The following DUSP10 variants were observed in gnomAD, a reference collection of about 807,000 sequenced individuals.
DUSP10 encodes dual specificity protein phosphatase 10.
DUSP10 carries 14 observed loss-of-function variants against 30.8 expected under a neutral mutation model. The ratio of observed to expected loss-of-function variants is 0.46; its 90% CI spans 0.30 to 0.71. The LOEUF is 0.71. Ranked by LOEUF, DUSP10 falls within the 30% of genes least tolerant of loss-of-function variation. DUSP10 has a pLI of 0.08. For missense variants in DUSP10, 550 were observed against 619.4 expected (o/e 0.89, Z 1.19); for synonymous variants, 254 against 250.4 (o/e 1.01, Z -0.14).
rs1422915247 is a variant in DUSP10 at position 221,706,056 on chromosome 1, G to C, written c.1183+39C>G. The C allele has an allele frequency of 1.3e-6, 2 of 1,584,082 alleles. No homozygotes were observed. Among genetic ancestry groups the C allele is most frequent in the Non-Finnish European group, 1.7e-6 (2 of 1,162,940 alleles). On this transcript the variant is annotated intron_variant, in intron 3 of 3. Transcript: ENST00000366899. This position sits in a 1 kb window ranked among gnomAD's most constrained non-coding sequence, Gnocchi z 4.6. ...TCAAAGCAAGAGCTGGAGGGAAAAG[G>C]AAGGCAGCGGATGAAAATTCCCTAT...
At chr1:221,736,568 G>A (rs576561098) in intron 2 of DUSP10, among the ~76,000 whole-genome samples, 1 of 152,092 alleles carries the variant, frequency 6.6e-6, no homozygotes, top group Non-Finnish European at 1.5e-5. Flanking sequence ...ATGCCTTTGG[G>A]GAATGCCCAC....
chr1:221,737,912 G>T (rs563461455), intron 2 of DUSP10, among the ~76,000 whole-genome samples: 6 of 152,230 alleles, frequency 3.9e-5, no homozygotes, highest in Admixed American at 1.3e-4. Context: ...TAGGAGACTG[G>T]TTGGAGATGT....
At position 221,702,384 on chromosome 1, in the gene DUSP10, G is replaced by A; in HGVS notation, c.*28C>T. The A allele has an allele frequency of 3.1e-6, 5 of 1,608,600 alleles. No homozygotes were observed. Among genetic ancestry groups the A allele is most frequent in the South Asian group, 1.1e-5 (1 of 90,866 alleles). On this transcript the variant is annotated 3_prime_UTR_variant, in exon 4 of 4. Coordinates refer to ENST00000366899, the MANE Select transcript of DUSP10 (RefSeq NM_007207.6). The surrounding 1 kb of genome is among the most constrained non-coding windows in gnomAD (Gnocchi z 4.5). Reference sequence around the variant, plus strand: ...CTTCCTCATTGTCTCCTAATGGAGAGCAGCAATCCTTTCCATCCAGACCAT... The same window carrying A: ...CTTCCTCATTGTCTCCTAATGGAGAACAGCAATCCTTTCCATCCAGACCAT...
intron 2 of DUSP10, among the ~76,000 whole-genome samples, chr1:221,736,032 A>G (rs1661757309): frequency 6.6e-6 from 1 of 152,246 alleles, no homozygotes; most frequent in African/African-American, 2.4e-5. Flanking sequence ...AGATGAGACT[A>G]AAACATAGAT....
chr1:221,737,076 C>T, intron 2 of DUSP10: 2 of 985,420 alleles, frequency 2.0e-6, no homozygotes, highest in Non-Finnish European at 2.4e-6. Flanking sequence ...AAGTAGCACC[C>T]AGGAGATTCA....
intron 2 of DUSP10, among the ~76,000 whole-genome samples, chr1:221,721,901 G>T: frequency 6.6e-6 from 1 of 152,184 alleles, no homozygotes; most frequent in East Asian, 1.9e-4. Context: ...CTAAGATCTA[G>T]GTGGGCCCTC....
chr1:221,717,892 AT>A, intron 2 of DUSP10, among the ~76,000 whole-genome samples: 1 of 152,270 alleles, frequency 6.6e-6, no homozygotes. Flanking sequence ...AGTCTACGGC[AT>A]TTGGTTAAAG....
At chr1:221,731,668 G>A (rs1661600578) in intron 2 of DUSP10, among the ~76,000 whole-genome samples, 2 of 148,570 alleles carry the variant, frequency 1.3e-5, no homozygotes, top group African/African-American at 5.0e-5. Context: ...GAGTGCAGTG[G>A]CGGGATCTCG....
chr1:221,720,089 C>A (rs1220662065), intron 2 of DUSP10, among the ~76,000 whole-genome samples: 2 of 152,132 alleles, frequency 1.3e-5, no homozygotes, highest in Non-Finnish European at 2.9e-5. Flanking sequence ...CACTGTGATA[C>A]TGTGATATGA....
At chr1:221,709,323 C>T (rs1319312158) in intron 2 of DUSP10, among the ~76,000 whole-genome samples, 2 of 151,648 alleles carry the variant, frequency 1.3e-5, no homozygotes, top group Admixed American at 1.3e-4. Context: ...GAAAAAAACC[C>T]GTGGCGGAGT....
Position 221,702,326 on chromosome 1 carries a change from A to G in DUSP10, c.*86T>C, listed in dbSNP as rs1660628962. On this transcript the variant is annotated 3_prime_UTR_variant, in exon 4 of 4. Coordinates refer to ENST00000366899, the MANE Select transcript of DUSP10 (RefSeq NM_007207.6). The surrounding 1 kb of genome is among the most constrained non-coding windows in gnomAD (Gnocchi z 4.5). ...CAAACTTACTCCCAACTACAAAAAA[A>G]AAAAGAAAGAAAAAAAACCAGAATC... The G allele has an allele frequency of 1.1e-5, 17 of 1,496,232 alleles. No individual in the cohort carries two copies. The highest frequency in any genetic ancestry group is 1.4e-5 in the Non-Finnish European group (16 of 1,116,780). 92.7% of individuals were successfully genotyped at this position (1,496,232 alleles called of 1,614,324 possible).
intron 2 of DUSP10, among the ~76,000 whole-genome samples, chr1:221,730,297 T>C (rs1661546659): frequency 6.6e-6 from 1 of 152,200 alleles, no homozygotes; most frequent in Non-Finnish European, 1.5e-5. Flanking sequence ...ATAAGATCAG[T>C]CGAGTTCGCA....
intron 2 of DUSP10, among the ~76,000 whole-genome samples, chr1:221,729,015 G>C (rs1002908649): frequency 6.6e-6 from 1 of 152,180 alleles, no homozygotes; most frequent in African/African-American, 2.4e-5. Context: ...GAGTAACACT[G>C]GACAAGTGCC....
intron 2 of DUSP10, among the ~76,000 whole-genome samples, chr1:221,722,699 A>G (rs12130778): frequency 0.41 from 62,731 of 152,010 alleles, 14,844 homozygotes; most frequent in Middle Eastern, 0.56. Context: ...CCCAAGAGAT[A>G]CTCATAGGAG....
rs1462976015 is a variant in DUSP10, at chr1:221,737,196, C to A, written c.811+1738G>T. 1.6e-5 allele frequency: 16 copies of A among 985,310 alleles called. No individual in the cohort carries two copies. In the East Asian group the frequency reaches 1.8e-3, roughly 112 times the overall value. The allele number at this position is 985,310 out of a possible 1,614,324, so 61.0% of individuals were successfully genotyped here. On this transcript the variant is annotated intron_variant, in intron 2 of 3. Coordinates refer to ENST00000366899, the MANE Select transcript of DUSP10 (RefSeq NM_007207.6). ...TCCCCATGATTAGGAGGTCTAGGAT[C>A]ATCTTGATCCGTGTTGTTTCCTCTC...
At chr1:221,731,393 C>T (rs1661585626) in intron 2 of DUSP10, among the ~76,000 whole-genome samples, 1 of 151,530 alleles carries the variant, frequency 6.6e-6, no homozygotes, top group East Asian at 1.9e-4. Flanking sequence ...TTATTCCTAT[C>T]ATCAACATGT....
intron 3 of DUSP10, among the ~76,000 whole-genome samples, chr1:221,703,502 A>T (rs1397102291): frequency 6.6e-6 from 1 of 152,214 alleles, no homozygotes; most frequent in Non-Finnish European, 1.5e-5. Context: ...AGTTAACTAA[A>T]GGCTAGTAGT....
At chr1:221,711,495 A>G (rs1005934603) in intron 2 of DUSP10, 1 of 152,228 alleles carries the variant, frequency 6.6e-6, no homozygotes, top group African/African-American at 2.4e-5. Context: ...CTATAAGCAT[A>G]TTGATCACCC....
intron 2 of DUSP10, among the ~76,000 whole-genome samples, chr1:221,734,403 C>A (rs1661704105): frequency 1.3e-5 from 2 of 152,240 alleles, no homozygotes; most frequent in Non-Finnish European, 2.9e-5. Context: ...AACACACACA[C>A]TCTACTATAC....
Sources: allele counts gnomAD v4.1 joint callset (sites outside exome capture counted in the v4.1 genomes callset), GRCh38; gene constraint gnomAD v4.1.1; non-coding constraint Gnocchi (gnomAD v3.1); transcripts MANE v1.5; gene names NCBI Gene and HGNC (gene_info 2026-07-23, HGNC 2026-07-21).